DCDC1: variants seen among roughly 807,000 people sequenced by gnomAD.
The protein encoded by DCDC1 is doublecortin domain containing 1, also known as doublecortin domain-containing protein 1.
DCDC1 carries 200 observed loss-of-function variants against 178.3 expected under a neutral mutation model. The observed-to-expected ratio is 1.12, with a 90% CI of 1.00 to 1.26. The LOEUF is 1.26. Ranked by LOEUF, DCDC1 falls within the 50% of genes most tolerant of loss-of-function variation. The pLI, the probability that DCDC1 is intolerant of heterozygous loss-of-function variation, is 0.00. For missense variants in DCDC1, 1,983 were observed against 1,749.2 expected, an observed-to-expected ratio of 1.13 and a Z score of -2.38; for synonymous variants, 690 against 604.8, an observed-to-expected ratio of 1.14 and a Z score of -2.07.
chr11:31,269,156 C>G (rs1322578942), intron 7 of DCDC1, among the ~76,000 whole-genome samples: 1 of 152,132 alleles, frequency 6.6e-6, no homozygotes, highest in East Asian at 1.9e-4. Flanking sequence ...TAATCATTTT[C>G]TCGGAGTAAA....
intron 11 of DCDC1, among the ~76,000 whole-genome samples, chr11:31,123,479 T>C (rs1396135281): frequency 6.6e-6 from 1 of 151,894 alleles, no homozygotes. Flanking sequence ...TCCAAGCTGG[T>C]AGAAGTTAGT....
chr11:31,213,214 T>A (rs1367334839), intron 9 of DCDC1, among the ~76,000 whole-genome samples: 4 of 147,912 alleles, frequency 2.7e-5, no homozygotes, highest in Admixed American at 6.8e-5. Flanking sequence ...GGCATGTGGC[T>A]CTTCAGTCAC....
chr11:31,307,767 T>C lies in DCDC1; in HGVS notation c.306A>G (p.Thr102=). The change falls in exon 4 of 39, where the codon ACA becomes ACG. Residue 102 remains threonine, a synonymous_variant. Transcript: ENST00000684477. ...SGLQDCSTHQ[T]ASDHSHDEIS... is the part of the protein sequence containing the mutation. ...TTTCATCATGGCTGTGATCTGATGC[T>C]GTTTGATGTGTGGAGCAATCTTGAA... The C allele has an allele frequency of 1.2e-6, 2 of 1,614,172 alleles. No individual in the cohort carries two copies. Among genetic ancestry groups the C allele is most frequent in the Non-Finnish European group, 1.7e-6 (2 of 1,180,012 alleles).
At chr11:31,221,107 A>G (rs1424606128) in intron 9 of DCDC1, among the ~76,000 whole-genome samples, 1 of 152,188 alleles carries the variant, frequency 6.6e-6, no homozygotes, top group Non-Finnish European at 1.5e-5. Context: ...CCATATGTGG[A>G]ATATTAATTC....
intron 36 of DCDC1, chr11:30,882,945 TAAAGG>T (rs1373556058): frequency 6.6e-6 from 1 of 152,092 alleles, no homozygotes; most frequent in Non-Finnish European, 1.5e-5. Flanking sequence ...AACCACAGCT[TAAAGG>T]AAAGGAGTAT....
chr11:31,212,558 A>T (rs1286232485), intron 9 of DCDC1, among the ~76,000 whole-genome samples: 1 of 152,208 alleles, frequency 6.6e-6, no homozygotes. Flanking sequence ...AGTGAACAAT[A>T]AACCTACAGA....
chr11:31,214,732 C>T (rs892707146), intron 9 of DCDC1, among the ~76,000 whole-genome samples: 1 of 152,058 alleles, frequency 6.6e-6, no homozygotes, highest in Non-Finnish European at 1.5e-5. Flanking sequence ...AATAAGATAA[C>T]AGAAATGTGT....
intron 20 of DCDC1, among the ~76,000 whole-genome samples, chr11:31,010,742 T>C (rs1361514765): frequency 6.6e-6 from 1 of 152,214 alleles, no homozygotes; most frequent in Non-Finnish European, 1.5e-5. Flanking sequence ...TGAGAAATAC[T>C]GTAAATGTAT....
intron 1 of DCDC1, among the ~76,000 whole-genome samples, chr11:31,341,709 C>G (rs976501707): frequency 1.9e-4 from 29 of 152,110 alleles, no homozygotes; most frequent in Admixed American, 9.2e-4. Flanking sequence ...ACAGCTATGT[C>G]ACTAGGTGAT....
At chr11:30,999,472 T>C (rs1951452768) in intron 20 of DCDC1, among the ~76,000 whole-genome samples, 1 of 152,192 alleles carries the variant, frequency 6.6e-6, no homozygotes, top group African/African-American at 2.4e-5. Context: ...TCCTTATGTA[T>C]TCTACTTAAA....
chr11:31,029,874 A>G (rs1024975354), intron 20 of DCDC1, among the ~76,000 whole-genome samples: 3 of 152,150 alleles, frequency 2.0e-5, no homozygotes, highest in South Asian at 2.1e-4. Context: ...AAGAAGAGTT[A>G]TTTATCTTTA....
At chr11:30,908,292 G>A (rs1488287772) in intron 29 of DCDC1, among the ~76,000 whole-genome samples, 1 of 152,066 alleles carries the variant, frequency 6.6e-6, no homozygotes, top group East Asian at 1.9e-4. Context: ...TGGGGGATGG[G>A]GAAATAAGTC....
At chr11:31,338,009 A>C (rs1950357104) in intron 1 of DCDC1, among the ~76,000 whole-genome samples, 1 of 152,190 alleles carries the variant, frequency 6.6e-6, no homozygotes, top group Non-Finnish European at 1.5e-5. Flanking sequence ...AGCAGGCTGC[A>C]GATCTGTTCA....
Position 31,015,818 on chromosome 11 carries a change from A to G in DCDC1, c.2591+48651T>C, listed in dbSNP as rs1208524791. Among the ~76,000 whole-genome samples the G allele has an allele frequency of 2.0e-5, 3 of 152,222 alleles. No homozygotes were observed. The East Asian group carries it at 5.8e-4, about 29-fold the overall frequency. ...AATTGGGTGAAGCCAACTGGATGTCAGCCACTGTGTAAAGGGCCCGAGTGG... is the reference window on the plus strand; with the variant it reads ...AATTGGGTGAAGCCAACTGGATGTCGGCCACTGTGTAAAGGGCCCGAGTGG... On this transcript the variant is annotated intron_variant, in intron 20 of 38. Transcript: ENST00000684477.
At chr11:31,161,319 T>C (rs1463509027) in intron 9 of DCDC1, among the ~76,000 whole-genome samples, 1 of 152,194 alleles carries the variant, frequency 6.6e-6, no homozygotes, top group Non-Finnish European at 1.5e-5. Context: ...AGGAAAGTGC[T>C]TCACTTCATC....
intron 12 of DCDC1, 145 bp from the exon 13 acceptor site, chr11:31,107,105 T>G (rs1037830680): frequency 7.9e-5 from 47 of 596,878 alleles, no homozygotes; most frequent in Non-Finnish European, 1.2e-4. Flanking sequence ...AAAAGAAGTG[T>G]GAAATGACGG....
chr11:31,028,279 T>C (rs560883281), intron 20 of DCDC1, among the ~76,000 whole-genome samples: 10 of 152,028 alleles, frequency 6.6e-5, no homozygotes, highest in African/African-American at 2.4e-4. Flanking sequence ...GACCCTCTTG[T>C]ATATTATCCA....
intron 9 of DCDC1, among the ~76,000 whole-genome samples, chr11:31,149,518 A>G (rs1018558208): frequency 6.6e-6 from 1 of 152,128 alleles, no homozygotes; most frequent in African/African-American, 2.4e-5. Context: ...CCCGCCCAGC[A>G]GCAGCAACCT....
chr11:31,251,300 G>A (rs1944013415), intron 8 of DCDC1, among the ~76,000 whole-genome samples: 1 of 152,152 alleles, frequency 6.6e-6, no homozygotes, highest in African/African-American at 2.4e-5. Context: ...CCAACTTGAT[G>A]GGATCACAGG....
Sources: allele counts gnomAD v4.1 joint callset (sites outside exome capture counted in the v4.1 genomes callset), GRCh38; gene constraint gnomAD v4.1.1; transcripts MANE v1.5; gene names NCBI Gene and HGNC (gene_info 2026-07-23, HGNC 2026-07-21).